The following ELMO1 variants were observed in gnomAD, a reference collection of about 807,000 sequenced individuals.
ELMO1 encodes the protein engulfment and cell motility protein 1.
ELMO1 carries 26 observed loss-of-function variants against 98.9 expected under a neutral mutation model. The ratio of observed to expected loss-of-function variants is 0.26; its 90% CI spans 0.19 to 0.36. The LOEUF (loss-of-function observed/expected upper bound fraction) is 0.36, where lower values mean the gene tolerates loss of function less well. ELMO1 is among the 10% of genes least tolerant of loss of function. ELMO1 has a pLI of 1.00. For synonymous variants in ELMO1, 346 were observed against 346.0 expected (o/e 1.00, Z 0.00); for missense variants, 627 against 935.2 (o/e 0.67, Z 4.30).
chr7:37,053,285 AAC>A (rs59573752), intron 15 of ELMO1, among the ~76,000 whole-genome samples: 13,415 of 138,602 alleles, frequency 0.097, 621 homozygotes, highest in East Asian at 0.2. Context: ...CATTTGTTAA[AAC>A]ACACACACAC....
intron 13 of ELMO1, among the ~76,000 whole-genome samples, chr7:37,192,275 T>A (rs1227237167): frequency 6.6e-6 from 1 of 151,980 alleles, no homozygotes; most frequent in Non-Finnish European, 1.5e-5. Context: ...GGCAGGTGGA[T>A]CATGAAGTCA....
intron 16 of ELMO1, among the ~76,000 whole-genome samples, chr7:36,956,736 C>T (rs773407187): frequency 2.6e-5 from 4 of 152,122 alleles, no homozygotes; most frequent in African/African-American, 7.2e-5. Flanking sequence ...TAAAAATCAT[C>T]GATCGGGCAA....
chr7:37,044,445 G>A (rs528089661), intron 15 of ELMO1, among the ~76,000 whole-genome samples: 36 of 152,342 alleles, frequency 2.4e-4, no homozygotes, highest in African/African-American at 8.2e-4. Context: ...TGAGGCAGCT[G>A]TAGCTTTCCC....
At chr7:37,000,062 T>C (rs1354770805) in intron 16 of ELMO1, among the ~76,000 whole-genome samples, 6 of 152,212 alleles carry the variant, frequency 3.9e-5, no homozygotes, top group Admixed American at 3.3e-4. Context: ...GAAGCAAATG[T>C]CCAGGCTTGC....
At chr7:37,244,040 T>C (rs992227064) in intron 7 of ELMO1, among the ~76,000 whole-genome samples, 12 of 152,176 alleles carry the variant, frequency 7.9e-5, no homozygotes, top group African/African-American at 2.9e-4. Context: ...AAAAGTTAGT[T>C]TTGTTTAAAA....
chr7:37,406,031 T>G (rs77154743), intron 1 of ELMO1, among the ~76,000 whole-genome samples: 1,833 of 152,272 alleles, frequency 0.012, 65 homozygotes, highest in East Asian at 0.12. Flanking sequence ...GCTGCAGAGC[T>G]GAGATACCAC....
chr7:36,893,036 C>T (rs768192698), intron 17 of ELMO1, among the ~76,000 whole-genome samples: 3 of 152,172 alleles, frequency 2.0e-5, no homozygotes, highest in African/African-American at 2.4e-5. Context: ...GTAAAATGTT[C>T]GTACTTGCCA....
chr7:37,094,074 C>T (rs746010989), intron 15 of ELMO1, among the ~76,000 whole-genome samples: 9 of 152,140 alleles, frequency 5.9e-5, no homozygotes, highest in Non-Finnish European at 1.3e-4. Flanking sequence ...TCCTTTGTAC[C>T]TGCAGTGTCC....
chr7:36,921,286 A>G (rs1040680108), intron 16 of ELMO1, among the ~76,000 whole-genome samples: 2 of 152,216 alleles, frequency 1.3e-5, no homozygotes, highest in African/African-American at 4.8e-5. Context: ...AAGAGCGGGC[A>G]GGCCCACTGG....
At chr7:37,067,135 C>T (rs1004855657) in intron 15 of ELMO1, among the ~76,000 whole-genome samples, 1 of 152,160 alleles carries the variant, frequency 6.6e-6, no homozygotes, top group African/African-American at 2.4e-5. Context: ...TCCAGAAACT[C>T]ATCCATTCAT....
intron 13 of ELMO1, among the ~76,000 whole-genome samples, chr7:37,163,625 G>A (rs1486314059): frequency 6.6e-6 from 1 of 152,026 alleles, no homozygotes; most frequent in African/African-American, 2.4e-5. Flanking sequence ...AGTTTACTGA[G>A]AATGATGATT....
chr7:37,401,906 A>C (rs1803554205), intron 1 of ELMO1, among the ~76,000 whole-genome samples: 1 of 152,194 alleles, frequency 6.6e-6, no homozygotes, highest in Non-Finnish European at 1.5e-5. Flanking sequence ...ACCTGATCAA[A>C]CAGGCCTTGC....
intron 15 of ELMO1, among the ~76,000 whole-genome samples, chr7:37,040,586 T>C (rs1442355372): frequency 2.0e-5 from 3 of 152,234 alleles, no homozygotes; most frequent in Non-Finnish European, 4.4e-5. Context: ...GCTTTGTTTA[T>C]AGTGGAACAA....
intron 1 of ELMO1, among the ~76,000 whole-genome samples, chr7:37,352,361 C>T (rs1462767046): frequency 1.3e-5 from 2 of 152,180 alleles, no homozygotes; most frequent in Non-Finnish European, 2.9e-5. Context: ...TGCAGCCTCC[C>T]AAAGTACTGG....
rs1433157279 is a variant in ELMO1 at position 37,271,556 on chromosome 7, A to AAT, written c.243+274_243+275dup. 2.3e-5 allele frequency: 9 copies of AAT among 389,072 alleles called. No individual in the cohort carries two copies. The Middle Eastern group carries it at 2.0e-3, about 86-fold the overall frequency. The allele number at this position is 389,072 out of a possible 1,614,324, so 24.1% of individuals were successfully genotyped here. ...CTAAATAAAATACAGAACAACTCAT[A>AAT]ATGTTTTGAGAAAGTTTACGAATTT... is the stretch of plus-strand genomic sequence containing the variant. On this transcript the variant is annotated intron_variant, in intron 5 of 21. Coordinates refer to ENST00000310758, the MANE Select transcript of ELMO1 (RefSeq NM_014800.11).
intron 16 of ELMO1, among the ~76,000 whole-genome samples, chr7:36,929,928 T>G (rs1785897560): frequency 6.6e-6 from 1 of 152,172 alleles, no homozygotes; most frequent in African/African-American, 2.4e-5. Context: ...AGAAAATGAA[T>G]AGTCTGCTGC....
chr7:37,114,962 T>C (rs1407818742), intron 14 of ELMO1, among the ~76,000 whole-genome samples: 1 of 152,244 alleles, frequency 6.6e-6, no homozygotes, highest in Non-Finnish European at 1.5e-5. Flanking sequence ...TAAAGGAATA[T>C]TATGAACAAG....
intron 20 of ELMO1, among the ~76,000 whole-genome samples, chr7:36,868,763 A>G (rs1317921475): frequency 6.6e-6 from 1 of 152,038 alleles, no homozygotes; most frequent in African/African-American, 2.4e-5. Flanking sequence ...TTTATTTAGC[A>G]CACTTGAATT....
intron 2 of ELMO1, among the ~76,000 whole-genome samples, chr7:37,338,548 G>A (rs1800545659): frequency 6.6e-6 from 1 of 152,156 alleles, no homozygotes; most frequent in East Asian, 1.9e-4. Context: ...TATAGCAGCT[G>A]AAGGAACTAA....
Sources: gnomAD v4.1 joint callset for allele counts (sites outside exome capture counted in the v4.1 genomes callset) on GRCh38, gnomAD v4.1.1 for gene constraint, MANE v1.5 for transcripts, NCBI Gene and HGNC (gene_info 2026-07-23, HGNC 2026-07-21) for gene names.